Variants in IRAG2 observed in about 807,000 individuals in gnomAD.
The protein encoded by IRAG2 is inositol 1,4,5-triphosphate receptor associated 2, also known as lymphoid restricted membrane protein.
Under a neutral mutation model 69.9 loss-of-function variants are expected in IRAG2, and 45 were observed. That is an observed-to-expected ratio of 0.64 (90% CI 0.51 to 0.83). The LOEUF (loss-of-function observed/expected upper bound fraction) is 0.83. Ranked by LOEUF, IRAG2 falls within the 40% of genes least tolerant of loss-of-function variation. IRAG2 has a pLI of 0.00. For synonymous variants in IRAG2, 193 were observed against 202.4 expected, an observed-to-expected ratio of 0.95 and a Z score of 0.40; for missense variants, 520 against 587.0, an observed-to-expected ratio of 0.89 and a Z score of 1.18.
chr12:25,005,066 G>A, intron 1 of IRAG2, among the ~76,000 whole-genome samples: 1 of 151,204 alleles, frequency 6.6e-6, no homozygotes, highest in East Asian at 1.9e-4. Context: ...TTTGTTTCCA[G>A]AACAAAACAG....
At chr12:25,062,941 G>T in intron 3 of IRAG2, 41 bp downstream of exon 3, 1 of 398,860 alleles carries the variant, frequency 2.5e-6, no homozygotes, top group South Asian at 1.3e-4. Flanking sequence ...TAGTAATTGT[G>T]AATCAACAAC....
intron 6 of IRAG2, among the ~76,000 whole-genome samples, chr12:25,075,564 G>GTC (rs1255215277): frequency 6.7e-6 from 1 of 148,888 alleles, no homozygotes; most frequent in Non-Finnish European, 1.5e-5. Flanking sequence ...GTGTATGTGT[G>GTC]TCTCCTGTGT....
intron 1 of IRAG2, among the ~76,000 whole-genome samples, chr12:25,057,252 A>ATT (rs368710047): frequency 0.79 from 70,362 of 88,986 alleles, 30,181 homozygotes; most frequent in South Asian, 0.92. Flanking sequence ...AGGTAGACAG[A>ATT]TTTTTTTTTT....
At chr12:25,062,469 G>A (rs1945695419) in intron 2 of IRAG2, among the ~76,000 whole-genome samples, 1 of 152,094 alleles carries the variant, frequency 6.6e-6, no homozygotes, top group Non-Finnish European at 1.5e-5. Flanking sequence ...TCTACCTCTT[G>A]GATTAAGGCA....
intron 6 of IRAG2, among the ~76,000 whole-genome samples, chr12:25,078,250 A>C (rs1565564575): frequency 1.3e-5 from 2 of 152,364 alleles, no homozygotes; most frequent in Non-Finnish European, 2.9e-5. Context: ...TATATAAGCT[A>C]CTATCATTGT....
chr12:25,081,612 C>T (rs1253530280), intron 9 of IRAG2, among the ~76,000 whole-genome samples: 1 of 152,116 alleles, frequency 6.6e-6, no homozygotes, highest in Admixed American at 6.6e-5. Context: ...TGTATATATC[C>T]TCTGATACAA....
At chr12:25,060,064 A>G (rs1016151441) in intron 1 of IRAG2, among the ~76,000 whole-genome samples, 1 of 152,182 alleles carries the variant, frequency 6.6e-6, no homozygotes, top group African/African-American at 2.4e-5. Context: ...GGTAGCTATT[A>G]ATATGCTTCC....
intron 11 of IRAG2, 106 bp downstream of exon 11, chr12:25,088,263 C>A: frequency 1.1e-6 from 1 of 896,712 alleles, no homozygotes; most frequent in Non-Finnish European, 1.8e-6. Context: ...AATTCTGCAT[C>A]TCTGGATAAG....
At position 25,018,497 on chromosome 12, in the gene IRAG2, T is replaced by C. The variant is rs137929240; in HGVS notation, c.1214+1205T>C. 6.6e-4 allele frequency among the ~76,000 whole-genome samples: 101 copies of C among 152,056 alleles called. 1 individual carries two copies. The highest frequency in any genetic ancestry group is 1.3e-3 in the Non-Finnish European group (88 of 67,964). ...CTGGGATTACAGGAGGGGGAGCCACTGTGCCCAGTCATATGTTTCACTAAA... is the reference window on the plus strand; with the variant it reads ...CTGGGATTACAGGAGGGGGAGCCACCGTGCCCAGTCATATGTTTCACTAAA... On this transcript the variant is annotated intron_variant, in intron 6 of 38. Transcript: ENST00000636465.
intron 6 of IRAG2, among the ~76,000 whole-genome samples, chr12:25,071,150 C>G (rs947174294): frequency 1.3e-5 from 2 of 151,954 alleles, no homozygotes; most frequent in Admixed American, 6.6e-5. Flanking sequence ...AGGTCAGGAG[C>G]TCAAGAACAA....
At chr12:25,035,740 G>C (rs16928358) in exon 14 of IRAG2, 2 of 398,860 alleles carry the variant, frequency 5.0e-6, no homozygotes, top group Admixed American at 4.4e-5. Context: ...ATTACTAAGA[G>C]AGCCCGCACA....
chr12:25,047,035 T>C (rs565829591), intron 16 of IRAG2, among the ~76,000 whole-genome samples: 1 of 152,252 alleles, frequency 6.6e-6, no homozygotes, highest in East Asian at 1.9e-4. Context: ...GCATAGATGG[T>C]CAATTGATCT....
chr12:25,088,482 A>G (rs1397249030), intron 11 of IRAG2, among the ~76,000 whole-genome samples: 2 of 152,222 alleles, frequency 1.3e-5, no homozygotes, highest in Non-Finnish European at 2.9e-5. Flanking sequence ...CTATTTACAG[A>G]ATAAGTGCTA....
intron 4 of IRAG2, among the ~76,000 whole-genome samples, chr12:25,065,188 C>A (rs1483645492): frequency 6.6e-6 from 1 of 152,054 alleles, no homozygotes; most frequent in Admixed American, 6.6e-5. Context: ...TCAACACATC[C>A]CTGTGAGGTA....
intron 6 of IRAG2, among the ~76,000 whole-genome samples, chr12:25,076,852 G>C (rs988325751): frequency 6.6e-6 from 1 of 151,418 alleles, no homozygotes; most frequent in Non-Finnish European, 1.5e-5. Context: ...TTTTTTTATA[G>C]CTTCCTTTCT....
intron 6 of IRAG2, among the ~76,000 whole-genome samples, chr12:25,071,007 AGTT>A (rs1304708678): frequency 6.6e-6 from 1 of 152,176 alleles, no homozygotes; most frequent in Non-Finnish European, 1.5e-5. Context: ...GAATTGTACA[AGTT>A]GTTGTTATTC....
In IRAG2 at chr12:25,023,010, T is replaced by C. The variant is rs1184460078; in HGVS notation, c.1333-861T>C. On this transcript the variant is annotated intron_variant, in intron 7 of 38. Transcript: ENST00000636465. ...GTGTGGTGGCAAGTGCCTGTAAGTC[T>C]GGCTACTCGGGAGGCTGAGGCAGGA... Among the ~76,000 whole-genome samples the C allele has an allele frequency of 2.6e-5, 4 of 151,606 alleles. No homozygotes were observed. The South Asian group carries it at 6.2e-4, about 24-fold the overall frequency.
At chr12:25,097,330 A>G (rs1948481247) in intron 15 of IRAG2, 1 of 214,594 alleles carries the variant, frequency 4.7e-6, no homozygotes, top group Non-Finnish European at 9.1e-6. Context: ...ATATAGTGTT[A>G]TAATCTGCTT....
chr12:25,054,377 A>G (rs1945089878), intron 1 of IRAG2, among the ~76,000 whole-genome samples: 1 of 152,194 alleles, frequency 6.6e-6, no homozygotes, highest in African/African-American at 2.4e-5. Context: ...CTTTTGCTCC[A>G]GTTTTGCCTT....
Sources: allele counts gnomAD v4.1 joint callset (sites outside exome capture counted in the v4.1 genomes callset), GRCh38; gene constraint gnomAD v4.1.1; transcripts MANE v1.5; gene names NCBI Gene and HGNC (gene_info 2026-07-23, HGNC 2026-07-21).